Variants in MALRD1 observed in about 807,000 individuals in gnomAD.
MALRD1 encodes the protein MAM and LDL-receptor class A domain-containing protein 1.
In MALRD1, 247 loss-of-function variants were observed where a neutral mutation model predicts 242.1. The observed-to-expected ratio is 1.02, with a 90% CI of 0.92 to 1.13. The LOEUF is 1.13. MALRD1 is among the 50% of genes most tolerant of loss of function. The pLI is 0.00. For synonymous variants in MALRD1, 995 were observed against 866.6 expected, an observed-to-expected ratio of 1.15 and a Z score of -2.60; for missense variants, 2,989 against 2,533.1, an observed-to-expected ratio of 1.18 and a Z score of -3.86.
intron 26 of MALRD1, among the ~76,000 whole-genome samples, chr10:19,378,184 A>G (rs1164955135): frequency 6.6e-6 from 1 of 152,156 alleles, no homozygotes; most frequent in Non-Finnish European, 1.5e-5. Flanking sequence ...ATCTTGAACT[A>G]GAACCATACC....
Position 19,267,282 on chromosome 10 carries a change from A to G in MALRD1, c.3079+9511A>G, listed in dbSNP as rs993909611. Among the ~76,000 whole-genome samples, 5 of 152,086 alleles carry G rather than the reference A, an allele frequency of 3.3e-5. No individual in the cohort carries two copies. The East Asian group carries it at 7.7e-4, about 23-fold the overall frequency. ...AATATCCATGTTTACATTATTAGTA[A>G]TATTTTATTTTCCCCAGGATAACTG... On this transcript the variant is annotated intron_variant, in intron 19 of 39. Transcript: ENST00000454679.
chr10:19,518,172 G>T (rs568136498), intron 31 of MALRD1, among the ~76,000 whole-genome samples: 1 of 152,266 alleles, frequency 6.6e-6, no homozygotes, highest in African/African-American at 2.4e-5. Context: ...TCTGTTGTTT[G>T]TTATACTCCT....
chr10:19,070,843 T>A (rs1159221307), intron 2 of MALRD1, among the ~76,000 whole-genome samples: 1 of 39,532 alleles, frequency 2.5e-5, no homozygotes, highest in African/African-American at 1.1e-4. Flanking sequence ...AAACTTTTTT[T>A]TTTTTTTTTT....
At chr10:19,234,476 AG>A (rs1838213629) in intron 18 of MALRD1, among the ~76,000 whole-genome samples, 1 of 152,130 alleles carries the variant, frequency 6.6e-6, no homozygotes, top group Non-Finnish European at 1.5e-5. Flanking sequence ...GATAGTCATT[AG>A]TTTATTTCTC....
At chr10:19,173,498 T>C (rs1270227218) in intron 13 of MALRD1, among the ~76,000 whole-genome samples, 1 of 152,118 alleles carries the variant, frequency 6.6e-6, no homozygotes, top group East Asian at 1.9e-4. Flanking sequence ...GTCTATGCAA[T>C]TTTTCTTTTT....
intron 36 of MALRD1, among the ~76,000 whole-genome samples, chr10:19,617,140 T>A (rs1018004478): frequency 1.3e-5 from 2 of 151,998 alleles, no homozygotes; most frequent in African/African-American, 4.8e-5. Context: ...TCCTGACAGT[T>A]AAGCCAGAAA....
intron 18 of MALRD1, among the ~76,000 whole-genome samples, chr10:19,246,400 G>A (rs1180963957): frequency 1.3e-4 from 20 of 152,106 alleles, no homozygotes. Flanking sequence ...ACCCAGAGGG[G>A]GAGACACCAT....
chr10:19,504,663 CAT>C lies in MALRD1; in HGVS notation c.5320+6018_5320+6019del, dbSNP rs1491451108. ...AACATATAATGACTATATTGTAACA[CAT>C]TTTTTTTTTTTTTTTTTTTTTTTTT... On this transcript the variant is annotated intron_variant, in intron 31 of 39. Coordinates refer to ENST00000454679, the MANE Select transcript of MALRD1 (RefSeq NM_001142308.3). Among the ~76,000 whole-genome samples, 248 of 128,680 alleles carry C rather than the reference CAT, an allele frequency of 1.9e-3. 6 individuals carry two copies. The highest frequency in any genetic ancestry group is 8.1e-3 in the Middle Eastern group (2 of 248). The allele number at this position is 128,680 out of a possible 152,430, so 84.4% of individuals were successfully genotyped here.
At chr10:19,510,968 C>A (rs573366069) in intron 31 of MALRD1, among the ~76,000 whole-genome samples, 1 of 152,286 alleles carries the variant, frequency 6.6e-6, no homozygotes, top group South Asian at 2.1e-4. Flanking sequence ...GTTCAGCCAA[C>A]AGGTAGTCCA....
At chr10:19,685,712 C>T (rs1478576703) in intron 36 of MALRD1, among the ~76,000 whole-genome samples, 1 of 152,160 alleles carries the variant, frequency 6.6e-6, no homozygotes, top group African/African-American at 2.4e-5. Flanking sequence ...ATTGTAGCAG[C>T]CTAGCAGATG....
chr10:19,705,344 C>G (rs151324705), intron 38 of MALRD1, among the ~76,000 whole-genome samples: 1 of 152,282 alleles, frequency 6.6e-6, no homozygotes, highest in East Asian at 1.9e-4. Context: ...GTCCTGGTCC[C>G]AGAAATACTT....
At chr10:19,572,612 G>T (rs1486952812) in intron 33 of MALRD1, among the ~76,000 whole-genome samples, 2 of 152,134 alleles carry the variant, frequency 1.3e-5, no homozygotes, top group African/African-American at 2.4e-5. Flanking sequence ...AAAAATCCAT[G>T]TCCTTTGCAA....
chr10:19,567,274 T>A (rs1237130072), intron 32 of MALRD1, among the ~76,000 whole-genome samples: 1 of 152,156 alleles, frequency 6.6e-6, no homozygotes, highest in East Asian at 1.9e-4. Context: ...ATGTCCAGTT[T>A]GACGTACAGA....
At chr10:19,489,838 C>T (rs183139846) in intron 29 of MALRD1, among the ~76,000 whole-genome samples, 3 of 152,202 alleles carry the variant, frequency 2.0e-5, no homozygotes, top group African/African-American at 4.8e-5. Flanking sequence ...GAAAACTACT[C>T]CTTGATCGTG....
intron 29 of MALRD1, among the ~76,000 whole-genome samples, chr10:19,479,985 C>T (rs146650541): frequency 1.3e-5 from 2 of 152,258 alleles, no homozygotes; most frequent in African/African-American, 4.8e-5. Context: ...GCAAAAGGAG[C>T]TGATAAAGTG....
At chr10:19,369,991 TCA>T (rs1845302201) in intron 26 of MALRD1, among the ~76,000 whole-genome samples, 1 of 152,146 alleles carries the variant, frequency 6.6e-6, no homozygotes, top group Non-Finnish European at 1.5e-5. Context: ...TCCACCCTGG[TCA>T]CAGAGATATT....
chr10:19,567,808 T>G (rs1836323856), intron 33 of MALRD1, 105 bp downstream of exon 33: 6 of 995,108 alleles, frequency 6.0e-6, no homozygotes, highest in Non-Finnish European at 1.5e-6. Flanking sequence ...CTGGGTCCAG[T>G]TCTATTTACA....
chr10:19,702,528 T>C (rs1413501811), intron 38 of MALRD1, among the ~76,000 whole-genome samples: 1 of 152,206 alleles, frequency 6.6e-6, no homozygotes, highest in Non-Finnish European at 1.5e-5. Context: ...TATCTGGGAT[T>C]GTATGCATAA....
intron 1 of MALRD1, among the ~76,000 whole-genome samples, chr10:19,052,594 C>T (rs567458343): frequency 4.6e-5 from 7 of 152,280 alleles, no homozygotes; most frequent in Admixed American, 4.6e-4. Flanking sequence ...TGCCTCCCAC[C>T]TTCCGTGCAA....
Sources: allele counts gnomAD v4.1 joint callset (sites outside exome capture counted in the v4.1 genomes callset), GRCh38; gene constraint gnomAD v4.1.1; transcripts MANE v1.5; gene names NCBI Gene and HGNC (gene_info 2026-07-23, HGNC 2026-07-21).